PAOX: variants seen among roughly 807,000 people sequenced by gnomAD.
PAOX encodes the protein peroxisomal N(1)-acetyl-spermine/spermidine oxidase.
PAOX carries 38 observed loss-of-function variants against 39.0 expected under a neutral mutation model. The observed-to-expected ratio is 0.97, with a 90% CI of 0.75 to 1.28. The LOEUF (loss-of-function observed/expected upper bound fraction) is 1.28, where lower values mean the gene tolerates loss of function less well. PAOX is among the 50% of genes most tolerant of loss of function. The probability of loss-of-function intolerance (pLI) is 0.00; values close to 1 mark genes in which losing one functional copy is unlikely to be tolerated. For synonymous variants in PAOX, 311 were observed against 314.4 expected (o/e 0.99, Z 0.11); for missense variants, 667 against 685.7 (o/e 0.97, Z 0.30).
intron 3 of PAOX, among the ~76,000 whole-genome samples, 193 bp downstream of exon 3, chr10:133,381,852 C>T (rs77004335): frequency 0.024 from 3,593 of 152,176 alleles, 52 homozygotes; most frequent in Middle Eastern, 0.037. Context: ...AGGGTTTCAC[C>T]GTAAGAAAAA....
In PAOX at chr10:133,390,937, G is replaced by A; in HGVS notation, c.1393-375G>A. 10 of 700,284 alleles carry A rather than the reference G, an allele frequency of 1.4e-5. No individual in the cohort carries two copies. In the South Asian group the frequency reaches 1.5e-4, roughly 10 times the overall value. 43.4% of individuals were successfully genotyped at this position (700,284 alleles called of 1,614,324 possible). Reference sequence around the variant, plus strand: ...CACACCTGAGCTGCGGGGTGCAGTGGCTTCCTTTCCCACCCATTGGTGGAT... The same window carrying A: ...CACACCTGAGCTGCGGGGTGCAGTGACTTCCTTTCCCACCCATTGGTGGAT... On this transcript the variant is annotated intron_variant, in intron 6 of 6. Coordinates refer to ENST00000278060, the MANE Select transcript of PAOX (RefSeq NM_152911.4).
chr10:133,385,875 A>G (rs1488928922), intron 4 of PAOX, among the ~76,000 whole-genome samples: 3 of 152,080 alleles, frequency 2.0e-5, no homozygotes, highest in Non-Finnish European at 4.4e-5. Context: ...GAGCCACCGC[A>G]CCCAGTCACC....
At chr10:133,390,888 C>T in intron 6 of PAOX, 1 of 660,372 alleles carries the variant, frequency 1.5e-6, no homozygotes. Flanking sequence ...GTGTTTACAC[C>T]CCTTGTTTTC....
At position 133,381,603 on chromosome 10, in the gene PAOX, A is replaced by G. The variant is rs1007265875; in HGVS notation, c.812A>G (p.Glu271Gly). 5.6e-6 allele frequency: 9 copies of G among 1,613,398 alleles called. No individual in the cohort carries two copies. The Admixed American group carries it at 1.2e-4, about 21-fold the overall frequency. ...GGGGAGACCTTTCCAGTGTCGGTAG[A>G]GTGTGAGGATGGAGACCGGTTCCCG... is the stretch of plus-strand genomic sequence containing the variant. ...FPGETFPVSV[E>G]CEDGDRFPAH... Residue 271 changes from glutamate to glycine, a missense_variant, in exon 3 of 7, where the codon GAG (glutamate) becomes GGG (glycine). By Grantham distance (98) the Glu-to-Gly change is moderately conservative. Transcript: ENST00000278060.
Position 133,382,471 on chromosome 10 carries a change from T to C in PAOX, c.868+812T>C, listed in dbSNP as rs941976562. On this transcript the variant is annotated intron_variant, in intron 3 of 6. Transcript: ENST00000278060. ...CCATTGCTGTTTCCCAGAGATGCAGTCGTCGTCCACACATGAACATCTGCT... is the reference window on the plus strand; with the variant it reads ...CCATTGCTGTTTCCCAGAGATGCAGCCGTCGTCCACACATGAACATCTGCT... Among the ~76,000 whole-genome samples the C allele has an allele frequency of 4.6e-5, 7 of 152,128 alleles. 1 individual carries two copies. The highest frequency in any genetic ancestry group is 8.8e-5 in the Non-Finnish European group (6 of 68,016).
intron 2 of PAOX, 30 bp downstream of exon 2, chr10:133,380,515 C>G (rs1196678508): frequency 6.4e-7 from 1 of 1,566,930 alleles, no homozygotes; most frequent in South Asian, 1.2e-5. Context: ...CCCCGCCAGT[C>G]CTCCCACCAG....
rs1490492545 is a variant in PAOX, at chr10:133,388,426, C to T, written c.1122-530C>T. ...TTGCTAAGGATAATGGCCTCCAGCT[C>T]CATCCATGTCCCTGCAAAGGACATG... On this transcript the variant is annotated intron_variant, in intron 4 of 6. Transcript: ENST00000278060. Among the ~76,000 whole-genome samples the T allele has an allele frequency of 2.6e-5, 4 of 152,314 alleles. No homozygotes were observed. In the East Asian group the frequency reaches 7.7e-4, roughly 29 times the overall value.
chr10:133,391,205 G>C, intron 6 of PAOX, 107 bp from the exon 7 acceptor site: 2 of 1,179,618 alleles, frequency 1.7e-6, no homozygotes, highest in Non-Finnish European at 2.5e-6. Context: ...TGTGTGAGCT[G>C]TTTTCCTGCT....
At chr10:133,389,481 C>T (rs980291932) in intron 5 of PAOX, 109 bp from the exon 6 acceptor site, 201 of 1,475,098 alleles carry the variant, frequency 1.4e-4, no homozygotes, top group Non-Finnish European at 1.8e-4. Context: ...ACTTTTCTTC[C>T]TGCATAGCAT....
rs1253762241 is a variant in PAOX, at chr10:133,381,440, C to A, written c.669-20C>A. The A allele has an allele frequency of 7.4e-6, 12 of 1,612,212 alleles. No individual in the cohort carries two copies. Among genetic ancestry groups the A allele is most frequent in the South Asian group, 1.1e-5 (1 of 91,020 alleles). On this transcript the variant is annotated intron_variant, in intron 2 of 6. Coordinates refer to ENST00000278060, the MANE Select transcript of PAOX (RefSeq NM_152911.4). Reference sequence around the variant, plus strand: ...TCCAGGGACTGGGCCTCTACGAAACCAGCACTTCCGTCTTTCTAGGGGCTA... The same window carrying A: ...TCCAGGGACTGGGCCTCTACGAAACAAGCACTTCCGTCTTTCTAGGGGCTA...
intron 4 of PAOX, among the ~76,000 whole-genome samples, chr10:133,388,554 G>A (rs1218789322): frequency 6.6e-6 from 1 of 152,252 alleles, no homozygotes; most frequent in South Asian, 2.1e-4. Flanking sequence ...GCCTGATTCT[G>A]CTAAGGGACG....
chr10:133,391,559 G>A lies in PAOX; in HGVS notation c.*104G>A, dbSNP rs774718505. The stretch of plus-strand genomic sequence containing the variant: ...CTTGAAATTTGGGGATGTTAATGAG[G>A]GTCCTCTGGTTTTTGGTAACCAGGG... On this transcript the variant is annotated 3_prime_UTR_variant, in exon 7 of 7. Coordinates refer to ENST00000278060, the MANE Select transcript of PAOX (RefSeq NM_152911.4). The A allele has an allele frequency of 3.4e-6, 5 of 1,456,298 alleles. No individual in the cohort carries two copies. In the African/African-American group the frequency reaches 7.1e-5, roughly 21 times the overall value. 90.2% of individuals were successfully genotyped at this position (1,456,298 alleles called of 1,614,324 possible).
chr10:133,379,328 C>A lies in PAOX; in HGVS notation c.12C>A (p.Thr4=). The stretch of plus-strand genomic sequence containing the variant: ...GCCCGGACCGCGCGATGGAGTCGAC[C>A]GGCAGCGTCGGGGAGGCCCCGGGCG... MES[T]GSVGEAPGGP... Residue 4 remains threonine, a synonymous_variant, in exon 1 of 7, where the codon ACC becomes ACA. Transcript: ENST00000278060. The A allele has an allele frequency of 8.2e-7, 1 of 1,217,410 alleles. No individual in the cohort carries two copies. Among genetic ancestry groups the A allele is most frequent in the South Asian group, 4.1e-5 (1 of 24,110 alleles). The allele number at this position is 1,217,410 out of a possible 1,614,324, so 75.4% of individuals were successfully genotyped here.
chr10:133,381,949 G>A (rs17882140), intron 3 of PAOX, among the ~76,000 whole-genome samples: 15,038 of 151,790 alleles, frequency 0.099, 991 homozygotes, highest in Admixed American at 0.17. Flanking sequence ...GCACTTTGCT[G>A]CAGACAGGAA....
Position 133,381,507 on chromosome 10 carries a change from A to C in PAOX, c.716A>C (p.Asp239Ala), listed in dbSNP as rs751913793. Residue 239 changes from aspartate to alanine, a missense_variant, in exon 3 of 7, where the codon GAC becomes GCC. By Grantham distance (126) the Asp-to-Ala change is moderately radical (BLOSUM62 -2). Coordinates refer to ENST00000278060, the MANE Select transcript of PAOX (RefSeq NM_152911.4). ...TNCMMAALPE[D>A]TVVFEKPVKT... ...TGCATGATGGCCGCCCTGCCGGAGG[A>C]CACTGTAGTTTTTGAGAAGCCTGTG... 2.5e-6 allele frequency: 4 copies of C among 1,613,642 alleles called. No homozygotes were observed. Among genetic ancestry groups the C allele is most frequent in the Non-Finnish European group, 3.4e-6 (4 of 1,180,020 alleles).
intron 1 of PAOX, 30 bp from the exon 2 acceptor site, chr10:133,379,969 C>T: frequency 1.3e-6 from 2 of 1,505,412 alleles, no homozygotes; most frequent in Non-Finnish European, 1.8e-6. Context: ...GGAAAGGGAC[C>T]TCCAGGTGGC....
In PAOX at chr10:133,384,281, CAGT is replaced by C; in HGVS notation, c.1121+70_1121+72del. The C allele has an allele frequency of 6.3e-7, 1 of 1,575,736 alleles. No individual in the cohort carries two copies. Among genetic ancestry groups the C allele is most frequent in the Non-Finnish European group, 8.6e-7 (1 of 1,157,928 alleles). The stretch of plus-strand genomic sequence containing the variant: ...GGCCTTCATCTGATGGAGGACGCAG[CAGT>C]GTGTCTGTTCACTGCAGGGTATTTC... On this transcript the variant is annotated intron_variant, in intron 4 of 6. Transcript: ENST00000278060. The surrounding 1 kb of genome is among the most constrained non-coding windows in gnomAD (Gnocchi z 4.3).
chr10:133,380,345 C>T lies in PAOX; in HGVS notation c.528C>T (p.Thr176=). Residue 176 remains threonine (T), a synonymous_variant, in exon 2 of 7, where the codon ACC becomes ACT. Coordinates refer to ENST00000278060, the MANE Select transcript of PAOX (RefSeq NM_152911.4). ...HVAGWTEDEE[T]RKLKLAVLNS... is the part of the protein sequence containing the mutation. ...CCGGCTGGACAGAGGATGAGGAGAC[C>T]AGGAAGCTGAAGCTGGCCGTCCTGA... 1 of 1,612,918 alleles carries T rather than the reference C, an allele frequency of 6.2e-7. No homozygotes were observed. The highest frequency in any genetic ancestry group is 8.5e-7 in the Non-Finnish European group (1 of 1,180,036).
At chr10:133,387,585 G>A (rs77795033) in intron 4 of PAOX, among the ~76,000 whole-genome samples, 3,269 of 152,314 alleles carry the variant, frequency 0.021, 107 homozygotes, top group African/African-American at 0.073. Context: ...TCTGACTGGT[G>A]CTCTCCTGAG....
Sources: allele counts gnomAD v4.1 joint callset (sites outside exome capture counted in the v4.1 genomes callset), GRCh38; gene constraint gnomAD v4.1.1; non-coding constraint Gnocchi (gnomAD v3.1); transcripts MANE v1.5; gene names NCBI Gene and HGNC (gene_info 2026-07-23, HGNC 2026-07-21).